Variants in PSG5 observed in about 807,000 individuals in gnomAD.
PSG5 encodes pregnancy-specific beta-1-glycoprotein 5.
Under a neutral mutation model 37.7 loss-of-function variants are expected in PSG5, and 53 were observed. The observed-to-expected ratio is 1.41, with a 90% confidence interval of 1.13 to 1.77. The LOEUF (loss-of-function observed/expected upper bound fraction) is 1.77, where lower values mean the gene tolerates loss of function less well. Ranked by LOEUF, PSG5 falls within the 40% of genes most tolerant of loss-of-function variation. The pLI is 0.00. For missense variants in PSG5, 547 were observed against 405.2 expected, an observed-to-expected ratio of 1.35 and a Z score of -3.00; for synonymous variants, 221 against 155.4, an observed-to-expected ratio of 1.42 and a Z score of -3.14.
At chr19:43,177,132 G>A (rs746198061) in intron 2 of PSG5, among the ~76,000 whole-genome samples, 1 of 151,482 alleles carries the variant, frequency 6.6e-6, no homozygotes, top group African/African-American at 2.4e-5. Context: ...ACTACTCTAG[G>A]GACCTCATGT....
chr19:43,185,321 G>A (rs896016981), intron 1 of PSG5, among the ~76,000 whole-genome samples, 174 bp from the exon 2 acceptor site: 1 of 151,060 alleles, frequency 6.6e-6, no homozygotes. Flanking sequence ...ATGTGTGTGT[G>A]TCCTACTGTC....
rs1039666571 is a variant in PSG5 at position 43,171,654 on chromosome 19, G to C, written c.965-1516C>G. 13 of 894,352 alleles carry C rather than the reference G, an allele frequency of 1.5e-5. No homozygotes were observed. In the African/African-American group the frequency reaches 2.1e-4, roughly 15 times the overall value. The allele number at this position is 894,352 out of a possible 1,614,324, so 55.4% of individuals were successfully genotyped here. A position where few individuals can be genotyped will look rare whatever the true frequency, so the allele number is the denominator to read the frequency against. On this transcript the variant is annotated intron_variant, in intron 4 of 5. Transcript: ENST00000342951. ...GATTGACTAAGAAAAAAAGAGAAAA[G>C]TTTAAAATTACTCAAATCAGAAATG...
intron 4 of PSG5, chr19:43,171,605 A>C: frequency 2.0e-6 from 1 of 512,010 alleles, no homozygotes; most frequent in Non-Finnish European, 3.1e-6. Context: ...AAATAAAATC[A>C]ACAAAATTGA....
chr19:43,174,623 G>T (rs1011002381), intron 4 of PSG5: 34 of 975,806 alleles, frequency 3.5e-5, no homozygotes, highest in Admixed American at 5.8e-5. Context: ...GGCTTCAACT[G>T]GCAGCTCGAT....
At position 43,186,392 on chromosome 19, in the gene PSG5, G is replaced by T; in HGVS notation, c.14C>A (p.Ser5Ter). The T allele has an allele frequency of 1.9e-6, 3 of 1,612,336 alleles. No individual in the cohort carries two copies. The highest frequency in any genetic ancestry group is 2.5e-6 in the Non-Finnish European group (3 of 1,178,958). ...GATGTGCTGTGTGCAGGGAGGGGCT[G>T]AGAGGGGCCCCATGGTCTCTGCGCC... The part of the protein sequence containing the change: MGPL[S>*]APPCTQHITW... Residue 5 changes from serine to a stop codon, truncating the protein, a stop_gained, in exon 1 of 6, where the codon TCA becomes TAA. Transcript: ENST00000342951. LOFTEE classifies it high-confidence loss of function.
intron 4 of PSG5, among the ~76,000 whole-genome samples, chr19:43,172,753 CAT>C (rs1968931212): frequency 6.6e-6 from 1 of 151,500 alleles, no homozygotes; most frequent in African/African-American, 2.4e-5. Flanking sequence ...AATTGAAAGA[CAT>C]TTTGTGTTCA....
At chr19:43,182,994 AG>A (rs1969162542) in intron 2 of PSG5, among the ~76,000 whole-genome samples, 1 of 150,794 alleles carries the variant, frequency 6.6e-6, no homozygotes, top group Admixed American at 6.6e-5. Flanking sequence ...CAGAACAGCC[AG>A]CCTAGTTAGA....
At chr19:43,177,472 A>G (rs1256704611) in intron 2 of PSG5, among the ~76,000 whole-genome samples, 1 of 151,506 alleles carries the variant, frequency 6.6e-6, no homozygotes, top group Non-Finnish European at 1.5e-5. Flanking sequence ...TTAGTGGGCA[A>G]AAGTGGGAGG....
At chr19:43,170,595 C>T in intron 4 of PSG5, 1 of 307,100 alleles carries the variant, frequency 3.3e-6, no homozygotes, top group Non-Finnish European at 6.7e-6. Flanking sequence ...AAGCTTCTTT[C>T]CCACAGGCTC....
chr19:43,186,471 G>A lies in PSG5; in HGVS notation c.-66C>T, dbSNP rs1471260794. ...TAGGATCCAGAAACTTCCTGAGCAC[G>A]GCTGTAGGCTGTGCTGTCCTTCCTC... On this transcript the variant is annotated 5_prime_UTR_variant, in exon 1 of 6. Coordinates refer to ENST00000342951, the MANE Select transcript of PSG5 (RefSeq NM_002781.4). 1.7e-5 allele frequency: 27 copies of A among 1,600,114 alleles called. No homozygotes were observed. The highest frequency in any genetic ancestry group is 4.4e-5 in the South Asian group (4 of 90,160).
Position 43,186,331 on chromosome 19 carries a change from T to C in PSG5, c.64+11A>G, listed in dbSNP as rs185386856. 2.4e-3 allele frequency: 3,794 copies of C among 1,611,846 alleles called. 153 individuals are homozygous for C. In the South Asian group the frequency reaches 0.039, roughly 16 times the overall value. On this transcript the variant is annotated intron_variant, in intron 1 of 5. Coordinates refer to ENST00000342951, the MANE Select transcript of PSG5 (RefSeq NM_002781.4). ...CTCCTCCTGTCCTCTCCCAGGAAGT[T>C]CTCTCCTCACCTGTGAGCAGGAGCC...
In PSG5 at chr19:43,171,530, C is replaced by T. The variant is rs375106739; in HGVS notation, c.965-1392G>A. ...GGGAAATAATAAGGATTAGAGTGGA[C>T]ATAAATAAAATGGAGAATGGAAAAA... On this transcript the variant is annotated intron_variant, in intron 4 of 5. Coordinates refer to ENST00000342951, the MANE Select transcript of PSG5 (RefSeq NM_002781.4). 78 of 324,114 alleles carry T rather than the reference C, an allele frequency of 2.4e-4. 2 individuals carry two copies. The highest frequency in any genetic ancestry group is 2.1e-3 in the South Asian group (20 of 9,552). 20.1% of individuals were successfully genotyped at this position (324,114 alleles called of 1,614,324 possible).
At chr19:43,182,268 G>T (rs544779243) in intron 2 of PSG5, among the ~76,000 whole-genome samples, 18 of 151,788 alleles carry the variant, frequency 1.2e-4, no homozygotes, top group African/African-American at 4.4e-4. Context: ...TAAAATGTTG[G>T]CACAGTTTCT....
chr19:43,177,371 A>G (rs1481366391), intron 2 of PSG5, among the ~76,000 whole-genome samples: 2 of 151,570 alleles, frequency 1.3e-5, no homozygotes, highest in Non-Finnish European at 2.9e-5. Context: ...TGATTCTGAA[A>G]TATTTGTCAT....
chr19:43,175,285 G>A lies in PSG5; in HGVS notation c.894C>T (p.Leu298=), dbSNP rs764935362. The change falls in exon 4 of 6, where the codon CTC becomes CTT. Residue 298 remains leucine (L), a synonymous_variant. Coordinates refer to ENST00000342951, the MANE Select transcript of PSG5 (RefSeq NM_002781.4). ...CTGAGTTACGAACAGAGCAAGTATAGAGCCCTCTATGCTTTGTAGTAATTT... is the reference window on the plus strand; with the variant it reads ...CTGAGTTACGAACAGAGCAAGTATAAAGCCCTCTATGCTTTGTAGTAATTT... ...IPQITTKHRG[L]YTCSVRNSAT... The A allele has an allele frequency of 6.2e-7, 1 of 1,612,702 alleles. No homozygotes were observed. The highest frequency in any genetic ancestry group is 8.5e-7 in the Non-Finnish European group (1 of 1,179,236).
At position 43,184,888 on chromosome 19, in the gene PSG5, C is replaced by T. The variant is rs777501054; in HGVS notation, c.324G>A (p.Leu108=). 6.2e-7 allele frequency: 1 copy of T among 1,612,636 alleles called. No individual in the cohort carries two copies. Among genetic ancestry groups the T allele is most frequent in the Non-Finnish European group, 8.5e-7 (1 of 1,179,188 alleles). ...CGTCTTCCCGGGTGACATTCTGGAT[C>T]AGCAGGGATGCATTGGAATATACTG... ...RETVYSNASL[L]IQNVTREDAG... is the part of the protein sequence containing the mutation. The change falls in exon 2 of 6, where the codon CTG becomes CTA. Residue 108 remains leucine, a synonymous_variant. Transcript: ENST00000342951.
chr19:43,176,413 G>T (rs549857943), intron 2 of PSG5, among the ~76,000 whole-genome samples: 32 of 151,740 alleles, frequency 2.1e-4, no homozygotes, highest in Non-Finnish European at 3.7e-4. Context: ...ACATCAGTGG[G>T]AGTCACAGCC....
chr19:43,176,478 G>T (rs1003700518), intron 2 of PSG5, among the ~76,000 whole-genome samples: 7 of 151,466 alleles, frequency 4.6e-5, no homozygotes, highest in African/African-American at 7.3e-5. Context: ...CTCACCCTGG[G>T]TTCCTTACCT....
intron 1 of PSG5, 120 bp from the exon 2 acceptor site, chr19:43,185,267 A>AC: frequency 2.5e-6 from 3 of 1,183,908 alleles, no homozygotes; most frequent in Non-Finnish European, 2.4e-6. Context: ...CACACACACA[A>AC]ACACACACAC....
Sources: allele counts gnomAD v4.1 joint callset (sites outside exome capture counted in the v4.1 genomes callset), GRCh38; gene constraint gnomAD v4.1.1; transcripts MANE v1.5; gene names NCBI Gene and HGNC (gene_info 2026-07-23, HGNC 2026-07-21).